Variants in PARVB observed in about 807,000 individuals in gnomAD.
PARVB encodes the protein beta-parvin.
A neutral mutation model predicts 47.0 loss-of-function variants in PARVB; 46 were observed. The ratio of observed to expected loss-of-function variants is 0.98; its 90% CI spans 0.77 to 1.25. The LOEUF is 1.25. PARVB is among the 50% of genes most tolerant of loss of function. The pLI, the probability that PARVB is intolerant of heterozygous loss-of-function variation, is 0.00. For synonymous variants in PARVB, 196 were observed against 196.3 expected, an observed-to-expected ratio of 1.00 and a Z score of 0.01; for missense variants, 473 against 471.6, an observed-to-expected ratio of 1.00 and a Z score of -0.03.
chr22:44,154,600 G>GGT (rs1312732544), intron 10 of PARVB, among the ~76,000 whole-genome samples: 3 of 147,346 alleles, frequency 2.0e-5, no homozygotes, highest in South Asian at 2.2e-4. Context: ...TATGTAGTCT[G>GGT]GTGTGTGTGT....
chr22:44,052,429 C>G (rs2051226761), intron 1 of PARVB, among the ~76,000 whole-genome samples: 2 of 152,168 alleles, frequency 1.3e-5, no homozygotes, highest in Admixed American at 6.5e-5. Context: ...TGATATCACC[C>G]CAGTGCTAAC....
intron 12 of PARVB, among the ~76,000 whole-genome samples, chr22:44,167,811 T>C (rs924891361): frequency 7.9e-5 from 12 of 152,098 alleles, no homozygotes; most frequent in African/African-American, 2.7e-4. Context: ...CGTGGGCAGG[T>C]CATTTCTCCA....
chr22:44,101,271 A>G (rs2052437918), intron 3 of PARVB, among the ~76,000 whole-genome samples: 1 of 151,762 alleles, frequency 6.6e-6, no homozygotes. Flanking sequence ...TAGCCGGGCG[A>G]GGTGGCGGGC....
At chr22:44,027,090 A>G (rs908872367) in intron 1 of PARVB, among the ~76,000 whole-genome samples, 8 of 151,998 alleles carry the variant, frequency 5.3e-5, no homozygotes, top group Admixed American at 5.2e-4. Context: ...CCTGGGTCAG[A>G]AAAGGGAACT....
In PARVB at chr22:44,101,920, G is replaced by A. The variant is rs987032611; in HGVS notation, c.273+1797G>A. 3.3e-5 allele frequency among the ~76,000 whole-genome samples: 5 copies of A among 152,102 alleles called. No individual in the cohort carries two copies. In the East Asian group the frequency reaches 5.8e-4, roughly 18 times the overall value. On this transcript the variant is annotated intron_variant, in intron 3 of 12. Transcript: ENST00000338758. ...AGGAAAGTCACTGTCTTTTAGCCACGAAAATGTTGTTCTTGGGGGATATTT... is the reference window on the plus strand; with the variant it reads ...AGGAAAGTCACTGTCTTTTAGCCACAAAAATGTTGTTCTTGGGGGATATTT...
chr22:44,075,040 C>G (rs148864115), intron 1 of PARVB, among the ~76,000 whole-genome samples: 2 of 152,196 alleles, frequency 1.3e-5, no homozygotes, highest in East Asian at 3.9e-4. Context: ...CCTCTACACA[C>G]GAGGTGTCAG....
In PARVB at chr22:44,049,847, C is replaced by A. The variant is rs62226389; in HGVS notation, c.112+25396C>A. On this transcript the variant is annotated intron_variant, in intron 1 of 12. Transcript: ENST00000338758. This position sits in a 1 kb window ranked among gnomAD's most constrained non-coding sequence, Gnocchi z 4.0. ...AGTGAGTAGGTTTTATTGCCAAAGC[C>A]GTCCCGGCCTTGGCCTCAGCCTCTG... Among the ~76,000 whole-genome samples, 12,539 of 152,320 alleles carry A rather than the reference C, an allele frequency of 0.082. 695 individuals are homozygous for A. The highest frequency in any genetic ancestry group is 0.15 in the Middle Eastern group (45 of 294).
chr22:44,036,501 C>T (rs563085374), intron 1 of PARVB, among the ~76,000 whole-genome samples: 178 of 151,936 alleles, frequency 1.2e-3, no homozygotes, highest in Non-Finnish European at 2.2e-3. Context: ...TATTTCTGGG[C>T]TACGTGGTTT....
intron 2 of PARVB, among the ~76,000 whole-genome samples, chr22:44,097,956 A>G (rs796639138): frequency 6.6e-5 from 10 of 152,290 alleles, no homozygotes; most frequent in African/African-American, 2.4e-4. Flanking sequence ...GTCCTGGGAC[A>G]TCCGAGCCAC....
chr22:44,036,751 T>C (rs1440295226), intron 1 of PARVB, among the ~76,000 whole-genome samples: 2 of 152,120 alleles, frequency 1.3e-5, no homozygotes, highest in African/African-American at 2.4e-5. Context: ...GCGGATCACT[T>C]GAGCTCAGGA....
In PARVB at chr22:44,163,849, C is replaced by T; in HGVS notation, c.946-9C>T. The T allele has an allele frequency of 6.2e-7, 1 of 1,604,262 alleles. No individual in the cohort carries two copies. Among genetic ancestry groups the T allele is most frequent in the Non-Finnish European group, 8.5e-7 (1 of 1,175,120 alleles). On this transcript the variant is annotated splice_polypyrimidine_tract_variant and intron_variant, in intron 11 of 12. Coordinates refer to ENST00000338758, the MANE Select transcript of PARVB (RefSeq NM_013327.5). ...ACCCTAACGCTGACCCACCCCCCTT[C>T]CTTGGCAGGTCCACAATGTGTCCTT...
chr22:44,033,173 C>T (rs1376654314), intron 1 of PARVB, among the ~76,000 whole-genome samples: 5 of 152,088 alleles, frequency 3.3e-5, no homozygotes, highest in Non-Finnish European at 7.4e-5. Flanking sequence ...ACTGCAGCCT[C>T]TGCCTCCTGG....
intron 10 of PARVB, among the ~76,000 whole-genome samples, chr22:44,157,487 A>G (rs1333255624): frequency 6.6e-6 from 1 of 152,064 alleles, no homozygotes; most frequent in Non-Finnish European, 1.5e-5. Flanking sequence ...GCTTTTTTCT[A>G]GGTTAGGAGC....
intron 2 of PARVB, among the ~76,000 whole-genome samples, chr22:44,013,616 G>A (rs2050546920): frequency 1.3e-5 from 2 of 152,174 alleles, no homozygotes; most frequent in South Asian, 4.1e-4. Flanking sequence ...TCAACATAAT[G>A]TTTTGGAGAT....
chr22:44,067,103 A>G (rs1054361860), intron 1 of PARVB, among the ~76,000 whole-genome samples: 4 of 152,082 alleles, frequency 2.6e-5, no homozygotes, highest in African/African-American at 4.8e-5. Context: ...TGGCCTCCCA[A>G]TGTGCTGGGA....
chr22:44,031,198 C>T (rs974629948), intron 1 of PARVB, among the ~76,000 whole-genome samples: 5 of 152,190 alleles, frequency 3.3e-5, no homozygotes, highest in Admixed American at 6.5e-5. Flanking sequence ...CGACGCTGCC[C>T]AGCACCTTCA....
intron 1 of PARVB, among the ~76,000 whole-genome samples, chr22:44,077,825 G>T (rs1425611994): frequency 6.6e-6 from 1 of 152,006 alleles, no homozygotes; most frequent in Non-Finnish European, 1.5e-5. Flanking sequence ...AGCCTCCCGA[G>T]TAGCTGGTAT....
At chr22:44,144,586 T>A (rs906584894) in intron 8 of PARVB, 1 of 152,214 alleles carries the variant, frequency 6.6e-6, no homozygotes, top group Non-Finnish European at 1.5e-5. Flanking sequence ...TTACTTGAGG[T>A]CAGGAGTTCA....
chr22:44,066,089 G>A (rs2051517953), intron 1 of PARVB, among the ~76,000 whole-genome samples: 1 of 152,214 alleles, frequency 6.6e-6, no homozygotes, highest in South Asian at 2.1e-4. Flanking sequence ...AAAGGAATGA[G>A]AGTGGCGCTA....
Sources: allele counts gnomAD v4.1 joint callset (sites outside exome capture counted in the v4.1 genomes callset), GRCh38; gene constraint gnomAD v4.1.1; non-coding constraint Gnocchi (gnomAD v3.1); transcripts MANE v1.5; gene names NCBI Gene and HGNC (gene_info 2026-07-23, HGNC 2026-07-21).